Variants in HCN3 observed in about 807,000 individuals in gnomAD.
HCN3 encodes hyperpolarization activated cyclic nucleotide gated potassium channel 3.
A neutral mutation model predicts 56.8 loss-of-function variants in HCN3; 36 were observed. That is an observed-to-expected ratio of 0.63 (90% CI 0.49 to 0.84). The LOEUF (loss-of-function observed/expected upper bound fraction) is 0.84. HCN3 is among the 40% of genes least tolerant of loss of function. The probability of loss-of-function intolerance (pLI) is 0.00; values close to 1 mark genes in which losing one functional copy is unlikely to be tolerated. For missense variants in HCN3, 930 were observed against 1,079.3 expected (o/e 0.86, Z 1.94); for synonymous variants, 425 against 439.7 (o/e 0.97, Z 0.42).
In HCN3 at chr1:155,282,929, T is replaced by C; in HGVS notation, c.708+89T>C. 7.6e-7 allele frequency: 1 copy of C among 1,314,850 alleles called. No individual in the cohort carries two copies. Among genetic ancestry groups the C allele is most frequent in the Non-Finnish European group, 1.0e-6 (1 of 963,378 alleles). The allele number at this position is 1,314,850 out of a possible 1,614,324, so 81.4% of individuals were successfully genotyped here. Reference sequence around the variant, plus strand: ...CGGCTGGTGGACTTCTCTAGGAAGATGCTATGGGTGGGGCTCCTGGTGACC... The same window carrying C: ...CGGCTGGTGGACTTCTCTAGGAAGACGCTATGGGTGGGGCTCCTGGTGACC... On this transcript the variant is annotated intron_variant, in intron 2 of 7. Transcript: ENST00000368358. This position sits in a 1 kb window ranked among gnomAD's most constrained non-coding sequence, Gnocchi z 4.7.
At position 155,282,253 on chromosome 1, in the gene HCN3, C is replaced by T. The variant is rs1307548227; in HGVS notation, c.279-158C>T. Among the ~76,000 whole-genome samples, 1 of 152,182 alleles carries T rather than the reference C, an allele frequency of 6.6e-6. No homozygotes were observed. The highest frequency in any genetic ancestry group is 1.9e-4 in the East Asian group (1 of 5,202). On this transcript the variant is annotated intron_variant, in intron 1 of 7. Coordinates refer to ENST00000368358, the MANE Select transcript of HCN3 (RefSeq NM_020897.3). The surrounding 1 kb of genome is among the most constrained non-coding windows in gnomAD (Gnocchi z 4.7). ...ACTAGATAATGCTGAACTATTTTCC[C>T]AAATGGTGGTCCCAACTTATACTCC... is the stretch of plus-strand genomic sequence containing the variant.
chr1:155,284,037 A>C lies in HCN3; in HGVS notation c.772A>C (p.Met258Leu). ...VVRIFNLIGM[M>L]LLLCHWDGCL... ...TCGCATCTTCAACCTCATTGGGATG[A>C]TGCTGCTGCTATGTCACTGGGATGG... Residue 258 changes from methionine to leucine, a missense_variant, in exon 3 of 8, where the codon ATG becomes CTG. Met to Leu is a conservative substitution (Grantham distance 15). Transcript: ENST00000368358. This position sits in a 1 kb window ranked among gnomAD's most constrained non-coding sequence, Gnocchi z 4.3. 1 of 1,614,150 alleles carries C rather than the reference A, an allele frequency of 6.2e-7. No individual in the cohort carries two copies. Among genetic ancestry groups the C allele is most frequent in the Non-Finnish European group, 8.5e-7 (1 of 1,180,004 alleles).
Position 155,288,656 on chromosome 1 carries a change from C to T in HCN3, c.*193C>T. 1 of 687,002 alleles carries T rather than the reference C, an allele frequency of 1.5e-6. No homozygotes were observed. Among genetic ancestry groups the T allele is most frequent in the South Asian group, 2.1e-5 (1 of 47,760 alleles). The allele number at this position is 687,002 out of a possible 1,614,324, so 42.6% of individuals were successfully genotyped here. A position where few individuals can be genotyped will look rare whatever the true frequency, so the allele number is the denominator to read the frequency against. On this transcript the variant is annotated 3_prime_UTR_variant, in exon 8 of 8. Transcript: ENST00000368358. This position sits in a 1 kb window ranked among gnomAD's most constrained non-coding sequence, Gnocchi z 6.5. Reference sequence around the variant, plus strand: ...TCAAGAATCCTGTAGCTTGTCCCATCATAATCCATTCACCCGTTCATCATG... The same window carrying T: ...TCAAGAATCCTGTAGCTTGTCCCATTATAATCCATTCACCCGTTCATCATG...
At position 155,282,504 on chromosome 1, in the gene HCN3, G is replaced by T. The variant is rs1289517968; in HGVS notation, c.372G>T (p.Pro124=). The change falls in exon 2 of 8, where the codon CCG becomes CCT. Residue 124 remains proline, a synonymous_variant. Coordinates refer to ENST00000368358, the MANE Select transcript of HCN3 (RefSeq NM_020897.3). This position sits in a 1 kb window ranked among gnomAD's most constrained non-coding sequence, Gnocchi z 4.7. ...GITFFKEENS[P]PWIVFNVLSD... ...CCTTCTTCAAGGAGGAGAACTCCCC[G>T]CCTTGGATCGTCTTCAACGTATTGT... is the stretch of plus-strand genomic sequence containing the variant. 2 of 1,614,110 alleles carry T rather than the reference G, an allele frequency of 1.2e-6. No homozygotes were observed. Among genetic ancestry groups the T allele is most frequent in the Non-Finnish European group, 1.7e-6 (2 of 1,180,040 alleles).
chr1:155,287,200 GCACAGCCAGTGTTCGGGCTGA>G lies in HCN3; in HGVS notation c.1509_1529del (p.Ala504_Thr510del). 1 of 1,613,692 alleles carries G rather than the reference GCACAGCCAGTGTTCGGGCTGA, an allele frequency of 6.2e-7. No homozygotes were observed. Among genetic ancestry groups the G allele is most frequent in the Non-Finnish European group, 8.5e-7 (1 of 1,179,938 alleles). On this transcript the variant is annotated inframe_deletion, in exon 7 of 8. Transcript: ENST00000368358. ...ATCTGCCTGCTAACTAGGGGCCGGC[GCACAGCCAGTGTTCGGGCTGA>G]CACCTACTGCCGCCTTTACTCACTC... is the stretch of plus-strand genomic sequence containing the variant.
chr1:155,278,030 C>T (rs951132813), intron 1 of HCN3, among the ~76,000 whole-genome samples, 162 bp downstream of exon 1: 2 of 152,012 alleles, frequency 1.3e-5, no homozygotes, highest in African/African-American at 2.4e-5. Context: ...CCTGGGAATT[C>T]CTGGGCGGGT....
chr1:155,281,102 G>A (rs1426428350), intron 1 of HCN3, among the ~76,000 whole-genome samples: 4 of 131,004 alleles, frequency 3.1e-5, no homozygotes, highest in Admixed American at 8.2e-5. Context: ...ATGGAGTCTC[G>A]CTCTGTCACC....
intron 1 of HCN3, among the ~76,000 whole-genome samples, chr1:155,280,437 T>TG (rs1673979299): frequency 7.2e-6 from 1 of 138,384 alleles, no homozygotes; most frequent in African/African-American, 2.7e-5. Context: ...ACCTGGCTAA[T>TG]TTTTTTTTTT....
Position 155,288,136 on chromosome 1 carries a change from A to T in HCN3, c.1998A>T (p.Ala666=). ...PLVPVRAGPW[A]STSRLPAPPA... is the part of the protein sequence containing the mutation. ...TGCCCGTCCGAGCTGGCCCATGGGC[A>T]TCCACCTCCCGCCTGCCCGCCCCAC... The change falls in exon 8 of 8, where the codon GCA becomes GCT. Residue 666 remains alanine, a synonymous_variant. Coordinates refer to ENST00000368358, the MANE Select transcript of HCN3 (RefSeq NM_020897.3). The surrounding 1 kb of genome is among the most constrained non-coding windows in gnomAD (Gnocchi z 6.5). 2 of 1,593,520 alleles carry T rather than the reference A, an allele frequency of 1.3e-6. No individual in the cohort carries two copies. The highest frequency in any genetic ancestry group is 1.7e-6 in the Non-Finnish European group (2 of 1,173,798).
chr1:155,286,262 C>T (rs962675411), intron 6 of HCN3, among the ~76,000 whole-genome samples: 2 of 152,180 alleles, frequency 1.3e-5, no homozygotes, highest in African/African-American at 4.8e-5. Context: ...TCTCCTGCCT[C>T]ACACTCCCGA....
In HCN3 at chr1:155,287,763, T is replaced by C. The variant is rs1674349140; in HGVS notation, c.1643-18T>C. On this transcript the variant is annotated intron_variant, in intron 7 of 7. Coordinates refer to ENST00000368358, the MANE Select transcript of HCN3 (RefSeq NM_020897.3). ...TCCTTCCCTATCCTTAACTTCTCCCTCCCGGTACAACTTCTAGGCAAGAAG... is the reference window on the plus strand; with the variant it reads ...TCCTTCCCTATCCTTAACTTCTCCCCCCCGGTACAACTTCTAGGCAAGAAG... 1.3e-6 allele frequency: 2 copies of C among 1,554,640 alleles called. No individual in the cohort carries two copies. The highest frequency in any genetic ancestry group is 1.7e-6 in the Non-Finnish European group (2 of 1,149,112).
At position 155,285,704 on chromosome 1, in the gene HCN3, C is replaced by A; in HGVS notation, c.1237-20C>A. Reference sequence around the variant, plus strand: ...CAGGTCAGGGGCACAGCCTGCCTGACAGGCCCCTCCCCTGTCCAGGAGATC... The same window carrying A: ...CAGGTCAGGGGCACAGCCTGCCTGAAAGGCCCCTCCCCTGTCCAGGAGATC... On this transcript the variant is annotated intron_variant, in intron 5 of 7. Coordinates refer to ENST00000368358, the MANE Select transcript of HCN3 (RefSeq NM_020897.3). This position sits in a 1 kb window ranked among gnomAD's most constrained non-coding sequence, Gnocchi z 4.5. 6.2e-7 allele frequency: 1 copy of A among 1,612,938 alleles called. No homozygotes were observed. Among genetic ancestry groups the A allele is most frequent in the Non-Finnish European group, 8.5e-7 (1 of 1,179,232 alleles).
At chr1:155,277,970 C>G (rs1673877477) in intron 1 of HCN3, 102 bp downstream of exon 1, 2 of 1,395,116 alleles carry the variant, frequency 1.4e-6, no homozygotes, top group Non-Finnish European at 2.0e-6. Flanking sequence ...CACTTCATTT[C>G]CAGCCCGGGG....
Position 155,284,185 on chromosome 1 carries a change from C to T in HCN3, c.870+50C>T. The T allele has an allele frequency of 6.3e-7, 1 of 1,594,116 alleles. No homozygotes were observed. Among genetic ancestry groups the T allele is most frequent in the Non-Finnish European group, 8.6e-7 (1 of 1,166,040 alleles). On this transcript the variant is annotated intron_variant, in intron 3 of 7. Coordinates refer to ENST00000368358, the MANE Select transcript of HCN3 (RefSeq NM_020897.3). The surrounding 1 kb of genome is among the most constrained non-coding windows in gnomAD (Gnocchi z 4.3). ...TTTCCTGGGCCTTCTTAGGGCTCTT[C>T]TGCCTGAGTAGCAGGGATGGCCACA...
At chr1:155,281,245 AT>A (rs1432534856) in intron 1 of HCN3, among the ~76,000 whole-genome samples, 1 of 146,548 alleles carries the variant, frequency 6.8e-6, no homozygotes, top group Non-Finnish European at 1.5e-5. Context: ...TAATTTTTAT[AT>A]TTTTCGTACA....
chr1:155,284,732 C>G lies in HCN3; in HGVS notation c.1064C>G (p.Ser355Cys). 6.2e-7 allele frequency: 1 copy of G among 1,614,074 alleles called. No homozygotes were observed. The highest frequency in any genetic ancestry group is 8.5e-7 in the Non-Finnish European group (1 of 1,179,948). Residue 355 changes from serine to cysteine, a missense_variant, in exon 4 of 8, where the codon TCT (serine) becomes TGT (cysteine). Transcript: ENST00000368358. The surrounding 1 kb of genome is among the most constrained non-coding windows in gnomAD (Gnocchi z 4.3). ...ACGGCACTCATCCAGTCCCTGGACT[C>G]TTCCCGGCGTCAGTACCAGGAGAAG... is the stretch of plus-strand genomic sequence containing the variant. ...HATALIQSLD[S>C]SRRQYQEKYK...
Position 155,285,306 on chromosome 1 carries a change from C to T in HCN3, c.1231C>T (p.Arg411Cys), listed in dbSNP as rs370145616. 46 of 1,613,748 alleles carry T rather than the reference C, an allele frequency of 2.9e-5. No homozygotes were observed. Among genetic ancestry groups the T allele is most frequent in the Non-Finnish European group, 3.5e-5 (41 of 1,179,806 alleles). ...SILGELSEPL[R>C]EEIINFTCRG... Reference sequence around the variant, plus strand: ...CCTGGGCGAGCTGAGCGAGCCGCTTCGCGAGGTGGGGCTGGGTTGGGCCTG... The same window carrying T: ...CCTGGGCGAGCTGAGCGAGCCGCTTTGCGAGGTGGGGCTGGGTTGGGCCTG... The change falls in exon 5 of 8, where the codon CGC becomes TGC. Residue 411 changes from arginine to cysteine, a missense_variant. Coordinates refer to ENST00000368358, the MANE Select transcript of HCN3 (RefSeq NM_020897.3). This position sits in a 1 kb window ranked among gnomAD's most constrained non-coding sequence, Gnocchi z 4.5.
chr1:155,282,923 G>C lies in HCN3; in HGVS notation c.708+83G>C. The C allele has an allele frequency of 7.3e-7, 1 of 1,365,816 alleles. No homozygotes were observed. Among genetic ancestry groups the C allele is most frequent in the Non-Finnish European group, 9.9e-7 (1 of 1,007,548 alleles). 84.6% of individuals were successfully genotyped at this position (1,365,816 alleles called of 1,614,324 possible). On this transcript the variant is annotated intron_variant, in intron 2 of 7. Transcript: ENST00000368358. This position sits in a 1 kb window ranked among gnomAD's most constrained non-coding sequence, Gnocchi z 4.7. ...GCGGGGCGGCTGGTGGACTTCTCTA[G>C]GAAGATGCTATGGGTGGGGCTCCTG...
chr1:155,287,287 T>C lies in HCN3; in HGVS notation c.1592T>C (p.Met531Thr), dbSNP rs1056120232. The change falls in exon 7 of 8, where the codon ATG becomes ACG. Residue 531 changes from methionine to threonine, a missense_variant. By Grantham distance (81) the Met-to-Thr change is moderately conservative. Transcript: ENST00000368358. ...HFNAVLEEFPMMRRAFETVAM... is the reference protein window; with the variant it reads ...HFNAVLEEFPTMRRAFETVAM... Reference sequence around the variant, plus strand: ...AATGCTGTGCTTGAGGAGTTCCCCATGATGCGCCGGGCCTTTGAGACTGTG... The same window carrying C: ...AATGCTGTGCTTGAGGAGTTCCCCACGATGCGCCGGGCCTTTGAGACTGTG... 3 of 1,614,024 alleles carry C rather than the reference T, an allele frequency of 1.9e-6. No homozygotes were observed. The highest frequency in any genetic ancestry group is 2.5e-6 in the Non-Finnish European group (3 of 1,179,936).
Sources: gnomAD v4.1 joint callset for allele counts (sites outside exome capture counted in the v4.1 genomes callset) on GRCh38, gnomAD v4.1.1 for gene constraint, Gnocchi (gnomAD v3.1) non-coding constraint, MANE v1.5 for transcripts, NCBI Gene and HGNC (gene_info 2026-07-23, HGNC 2026-07-21) for gene names.